Variants in CNTNAP2 observed in about 807,000 individuals in gnomAD.
CNTNAP2 encodes contactin-associated protein-like 2.
In CNTNAP2, 98 loss-of-function variants were observed where a neutral mutation model predicts 155.2. That is an observed-to-expected ratio of 0.63 (90% CI 0.54 to 0.75). CNTNAP2 has a LOEUF of 0.75. CNTNAP2 is among the 30% of genes least tolerant of loss of function. CNTNAP2 has a pLI of 0.00. For synonymous variants in CNTNAP2, 651 were observed against 631.2 expected, an observed-to-expected ratio of 1.03 and a Z score of -0.47; for missense variants, 1,727 against 1,688.1, an observed-to-expected ratio of 1.02 and a Z score of -0.40.
At chr7:146,827,879 A>G (rs916840091) in intron 2 of CNTNAP2, among the ~76,000 whole-genome samples, 1 of 152,102 alleles carries the variant, frequency 6.6e-6, no homozygotes, top group Non-Finnish European at 1.5e-5. Flanking sequence ...GCTTCCAAAT[A>G]GTTGCAAAGA....
chr7:147,939,432 G>A (rs1388728196), intron 14 of CNTNAP2, among the ~76,000 whole-genome samples: 1 of 152,120 alleles, frequency 6.6e-6, no homozygotes, highest in East Asian at 1.9e-4. Flanking sequence ...GGGTTCAAGC[G>A]ATTCTTCTGC....
chr7:146,868,684 A>G (rs1266238134), intron 3 of CNTNAP2, among the ~76,000 whole-genome samples: 1 of 151,886 alleles, frequency 6.6e-6, no homozygotes, highest in African/African-American at 2.4e-5. Context: ...GTCTTCTCTG[A>G]TTTCCTTGAG....
intron 8 of CNTNAP2, among the ~76,000 whole-genome samples, chr7:147,134,585 GA>G (rs945938236): frequency 1.1e-4 from 16 of 149,678 alleles, no homozygotes; most frequent in South Asian, 2.1e-4. Context: ...AACATTAGTT[GA>G]AAAAAAAATT....
At chr7:147,188,499 A>G (rs150935888) in intron 8 of CNTNAP2, among the ~76,000 whole-genome samples, 55 of 152,332 alleles carry the variant, frequency 3.6e-4, no homozygotes, top group South Asian at 1.9e-3. Flanking sequence ...TATAGGGTGA[A>G]TTATCCTCTC....
chr7:146,974,450 A>C (rs1797867102), intron 3 of CNTNAP2, among the ~76,000 whole-genome samples: 1 of 151,384 alleles, frequency 6.6e-6, no homozygotes, highest in South Asian at 2.1e-4. Context: ...AAAAAAAATA[A>C]AAAATAAAAA....
At chr7:146,210,837 A>ATT (rs11370431) in intron 1 of CNTNAP2, among the ~76,000 whole-genome samples, 97 of 145,318 alleles carry the variant, frequency 6.7e-4, no homozygotes, top group Middle Eastern at 3.6e-3. Context: ...AGACTACTTC[A>ATT]TTTTTTTTTT....
intron 13 of CNTNAP2, among the ~76,000 whole-genome samples, chr7:147,903,298 C>A (rs1250582540): frequency 6.6e-6 from 1 of 152,128 alleles, no homozygotes; most frequent in Non-Finnish European, 1.5e-5. Context: ...CTATTCATAG[C>A]CTTAGCCCAC....
intron 14 of CNTNAP2, among the ~76,000 whole-genome samples, chr7:147,942,281 G>A (rs1004016822): frequency 6.6e-6 from 1 of 152,158 alleles, no homozygotes; most frequent in South Asian, 2.1e-4. Context: ...GTCAGTAGCT[G>A]CCAATGCTGA....
At chr7:147,675,905 C>T (rs555972215) in intron 13 of CNTNAP2, among the ~76,000 whole-genome samples, 2 of 152,028 alleles carry the variant, frequency 1.3e-5, no homozygotes, top group Admixed American at 1.3e-4. Flanking sequence ...CACAAGTTTC[C>T]CCCTTTTAAA....
chr7:147,795,589 A>G (rs185370240), intron 13 of CNTNAP2, among the ~76,000 whole-genome samples: 86 of 151,578 alleles, frequency 5.7e-4, no homozygotes, highest in African/African-American at 1.9e-3. Flanking sequence ...TAAGGTCTTC[A>G]AGGGCAAATA....
intron 1 of CNTNAP2, among the ~76,000 whole-genome samples, chr7:146,723,097 C>T (rs1310950355): frequency 6.6e-6 from 1 of 152,150 alleles, no homozygotes; most frequent in Non-Finnish European, 1.5e-5. Flanking sequence ...AGATAGGGTC[C>T]TAGCAGATGT....
chr7:147,318,315 A>C lies in CNTNAP2; in HGVS notation c.1498+18025A>C, dbSNP rs192771456. Among the ~76,000 whole-genome samples, 3 of 152,118 alleles carry C rather than the reference A, an allele frequency of 2.0e-5. No individual in the cohort carries two copies. In the East Asian group the frequency reaches 5.8e-4, roughly 30 times the overall value. ...AAATTAGCTGGGCATGGGTACGCGC[A>C]CCTGAAGTCCCAGCTACTTGGGAGG... is the stretch of plus-strand genomic sequence containing the variant. On this transcript the variant is annotated intron_variant, in intron 9 of 23. Transcript: ENST00000361727.
At chr7:146,331,080 G>A (rs973147291) in intron 1 of CNTNAP2, among the ~76,000 whole-genome samples, 2 of 151,974 alleles carry the variant, frequency 1.3e-5, no homozygotes, top group African/African-American at 4.8e-5. Flanking sequence ...CGAGTCGGGC[G>A]GATCACGAGG....
At chr7:146,622,303 G>A (rs1368699401) in intron 1 of CNTNAP2, among the ~76,000 whole-genome samples, 1 of 148,160 alleles carries the variant, frequency 6.7e-6, no homozygotes, top group Non-Finnish European at 1.5e-5. Context: ...GTTTTAGCTT[G>A]TATATTTTTT....
intron 1 of CNTNAP2, among the ~76,000 whole-genome samples, chr7:146,459,349 T>C (rs895768261): frequency 1.3e-5 from 2 of 152,188 alleles, no homozygotes; most frequent in Non-Finnish European, 2.9e-5. Context: ...TCATGTGATA[T>C]TAGCTCAGCA....
chr7:147,714,992 A>C (rs1222815291), intron 13 of CNTNAP2, among the ~76,000 whole-genome samples: 1 of 152,090 alleles, frequency 6.6e-6, no homozygotes, highest in African/African-American at 2.4e-5. Flanking sequence ...GGTTCACGCA[A>C]GATGTTGTGT....
At chr7:146,379,092 C>A (rs1795345519) in intron 1 of CNTNAP2, among the ~76,000 whole-genome samples, 1 of 152,220 alleles carries the variant, frequency 6.6e-6, no homozygotes, top group Admixed American at 6.5e-5. Context: ...GCCTAGGAGA[C>A]TTGCCTATCT....
In CNTNAP2 at chr7:147,254,006, A is replaced by G. The variant is rs73459596; in HGVS notation, c.1349-46135A>G. ...GGGATTCATTCCTCTGACTCTTTGA[A>G]TCCAACCCAGTGCTTGGGTGTCTTC... On this transcript the variant is annotated intron_variant, in intron 8 of 23. Transcript: ENST00000361727. 6.0e-3 allele frequency among the ~76,000 whole-genome samples: 918 copies of G among 152,254 alleles called. 8 individuals are homozygous for G. Among genetic ancestry groups the G allele is most frequent in the African/African-American group, 0.021 (884 of 41,554 alleles).
intron 3 of CNTNAP2, among the ~76,000 whole-genome samples, chr7:146,955,858 C>A (rs1252351925): frequency 1.3e-5 from 2 of 152,026 alleles, no homozygotes; most frequent in East Asian, 3.9e-4. Flanking sequence ...GAGTCTCTGG[C>A]AGTTAACATG....
Sources: gnomAD v4.1 joint callset for allele counts (sites outside exome capture counted in the v4.1 genomes callset) on GRCh38, gnomAD v4.1.1 for gene constraint, MANE v1.5 for transcripts, NCBI Gene and HGNC (gene_info 2026-07-23, HGNC 2026-07-21) for gene names.